ERBB2: variants seen among roughly 807,000 people sequenced by gnomAD.
The protein encoded by ERBB2 is receptor tyrosine-protein kinase erbB-2.
A neutral mutation model predicts 149.0 loss-of-function variants in ERBB2; 61 were observed. That is an observed-to-expected ratio of 0.41 (90% CI 0.33 to 0.51). The LOEUF (loss-of-function observed/expected upper bound fraction) is 0.51, where lower values mean the gene tolerates loss of function less well. Among genes scored for constraint, ERBB2 ranks in the 20% least tolerant of loss-of-function variants. The pLI, the probability that ERBB2 is intolerant of heterozygous loss-of-function variation, is 0.25. For missense variants in ERBB2, 1,205 were observed against 1,655.1 expected, an observed-to-expected ratio of 0.73 and a Z score of 4.72; for synonymous variants, 633 against 678.8, an observed-to-expected ratio of 0.93 and a Z score of 1.05.
intron 16 of ERBB2, 120 bp downstream of exon 16, chr17:39,719,954 C>T: frequency 1.1e-6 from 1 of 893,334 alleles, no homozygotes; most frequent in South Asian, 1.4e-5. Flanking sequence ...CACTCTTCCA[C>T]TGTGGAACCT....
intron 19 of ERBB2, among the ~76,000 whole-genome samples, chr17:39,724,288 T>TTTTTTTTTTTTTTTTTTTTTTTTC (rs1567912499): frequency 6.9e-6 from 1 of 144,104 alleles, no homozygotes; most frequent in African/African-American, 2.5e-5. Context: ...TTTTTTTTTT[T>TTTTTTTTTTTTTTTTTTTTTTTTC]GAGACAGAGT....
intron 16 of ERBB2, among the ~76,000 whole-genome samples, chr17:39,721,904 T>TTTTA (rs778586190): frequency 1.9e-4 from 29 of 152,194 alleles, no homozygotes; most frequent in Middle Eastern, 3.4e-3. Context: ...TCACTTTTAT[T>TTTTA]TTTATTTATT....
In ERBB2 at chr17:39,723,556, C is replaced by T. The variant is rs2145812376; in HGVS notation, c.2104C>T (p.Pro702Ser). 1.2e-6 allele frequency: 2 copies of T among 1,611,730 alleles called. No individual in the cohort carries two copies. Among genetic ancestry groups the T allele is most frequent in the Non-Finnish European group, 1.7e-6 (2 of 1,179,016 alleles). ...ACCCCAGCTGGTGGAGCCGCTGACA[C>T]CTAGCGGAGCGATGCCCAACCAGGC... ...QETELVEPLT[P>S]SGAMPNQAQM... The change falls in exon 18 of 27, where the codon CCT becomes TCT. Residue 702 changes from proline (P) to serine (S), a missense_variant. Pro to Ser is a moderately conservative substitution (Grantham distance 74). Transcript: ENST00000269571. This position sits in a 1 kb window ranked among gnomAD's most constrained non-coding sequence, Gnocchi z 6.2.
In ERBB2 at chr17:39,726,965, G is replaced by A. The variant is rs2143184536; in HGVS notation, c.3121G>A (p.Gly1041Ser). 1.2e-6 allele frequency: 2 copies of A among 1,610,650 alleles called. No individual in the cohort carries two copies. The highest frequency in any genetic ancestry group is 1.7e-5 in the Admixed American group (1 of 59,728). Residue 1041 changes from glycine to serine, a missense_variant, in exon 25 of 27, where the codon GGC becomes AGC. By Grantham distance (56) the Gly-to-Ser change is moderately conservative. Transcript: ENST00000269571. This position sits in a 1 kb window ranked among gnomAD's most constrained non-coding sequence, Gnocchi z 5.1. ...TCCAGACCCTGCCCCGGGCGCTGGG[G>A]GCATGGTCCACCACAGGCACCGCAG... ...FCPDPAPGAGGMVHHRHRSSS... is the reference protein window; with the variant it reads ...FCPDPAPGAGSMVHHRHRSSS...
At position 39,725,809 on chromosome 17, in the gene ERBB2, A is replaced by C. The variant is rs1262977426; in HGVS notation, c.2828A>C (p.Gln943Pro). ...CTGGAAAAGGGGGAGCGGCTGCCCC[A>C]GCCCCCCATCTGCACCATTGATGTC... ...DLLEKGERLPQPPICTIDVYM... is the reference protein window; with the variant it reads ...DLLEKGERLPPPPICTIDVYM... Residue 943 changes from glutamine (Q) to proline (P), a missense_variant, in exon 23 of 27, where the codon CAG becomes CCG. Coordinates refer to ENST00000269571, the MANE Select transcript of ERBB2 (RefSeq NM_004448.4). The surrounding 1 kb of genome is among the most constrained non-coding windows in gnomAD (Gnocchi z 4.6). 6.2e-7 allele frequency: 1 copy of C among 1,613,776 alleles called. No individual in the cohort carries two copies. Among genetic ancestry groups the C allele is most frequent in the East Asian group, 2.2e-5 (1 of 44,876 alleles).
rs1246185893 is a variant in ERBB2 at position 39,709,311 on chromosome 17, C to A, written c.440-7C>A. On this transcript the variant is annotated splice_polypyrimidine_tract_variant and splice_region_variant and intron_variant, in intron 3 of 26. Coordinates refer to ENST00000269571, the MANE Select transcript of ERBB2 (RefSeq NM_004448.4). ...AAAGGGTCCTCTGATCATTGCTCAC[C>A]CCACAGAGATCTTGAAAGGAGGGGT... is the stretch of plus-strand genomic sequence containing the variant. The A allele has an allele frequency of 6.2e-7, 1 of 1,614,062 alleles. No homozygotes were observed. Among genetic ancestry groups the A allele is most frequent in the Non-Finnish European group, 8.5e-7 (1 of 1,179,994 alleles).
Position 39,727,136 on chromosome 17 carries a change from T to TA in ERBB2, c.3159+134dup. 8.1e-7 allele frequency: 1 copy of TA among 1,229,474 alleles called. No individual in the cohort carries two copies. The highest frequency in any genetic ancestry group is 1.1e-6 in the Non-Finnish European group (1 of 878,434). The allele number at this position is 1,229,474 out of a possible 1,614,324, so 76.2% of individuals were successfully genotyped here. ...CCCCATTATCCCTACAAAAAATTCTTACTGCCTTCCAACCCCTGTGACCCC... is the reference window on the plus strand; with the variant it reads ...CCCCATTATCCCTACAAAAAATTCTTAACTGCCTTCCAACCCCTGTGACCCC... On this transcript the variant is annotated intron_variant, in intron 25 of 26. Transcript: ENST00000269571. The surrounding 1 kb of genome is among the most constrained non-coding windows in gnomAD (Gnocchi z 4.3).
chr17:39,698,494 C>T (rs1431507864), upstream of ERBB2, among the ~76,000 whole-genome samples: 5 of 151,998 alleles, frequency 3.3e-5, no homozygotes, highest in East Asian at 3.9e-4. Flanking sequence ...CTCCTGACCT[C>T]GTGATCTGCC....
At position 39,727,662 on chromosome 17, in the gene ERBB2, A is replaced by T. The variant is rs777674002; in HGVS notation, c.3413-27A>T. ...AGAGACACCGGGGTTCCTTCCCCTA[A>T]TGGGTCACCTTCTCTTGACCTTTCA... On this transcript the variant is annotated intron_variant, in intron 26 of 26. Transcript: ENST00000269571. This position sits in a 1 kb window ranked among gnomAD's most constrained non-coding sequence, Gnocchi z 4.3. 5 of 1,545,534 alleles carry T rather than the reference A, an allele frequency of 3.2e-6. No individual in the cohort carries two copies. The highest frequency in any genetic ancestry group is 4.4e-6 in the Non-Finnish European group (5 of 1,147,856).
chr17:39,726,644 C>T lies in ERBB2; in HGVS notation c.2955C>T (p.Arg985=), dbSNP rs2143140611. 1.2e-6 allele frequency: 2 copies of T among 1,614,214 alleles called. No homozygotes were observed. Among genetic ancestry groups the T allele is most frequent in the Non-Finnish European group, 1.7e-6 (2 of 1,180,014 alleles). Residue 985 remains arginine (R), a synonymous_variant, in exon 24 of 27, where the codon CGC becomes CGT. Transcript: ENST00000269571. This position sits in a 1 kb window ranked among gnomAD's most constrained non-coding sequence, Gnocchi z 5.1. ...CCCGCATGGCCAGGGACCCCCAGCG[C>T]TTTGTGGTCATCCAGGTACTGGGCC... ...EFSRMARDPQ[R]FVVIQNEDLG...
rs1486077301 is a variant in ERBB2 at position 39,700,213 on chromosome 17, A to G, written c.-26A>G. 9.1e-6 allele frequency: 13 copies of G among 1,429,646 alleles called. No homozygotes were observed. Among genetic ancestry groups the G allele is most frequent in the Non-Finnish European group, 1.2e-5 (13 of 1,096,026 alleles). 88.6% of individuals were successfully genotyped at this position (1,429,646 alleles called of 1,614,324 possible). On this transcript the variant is annotated 5_prime_UTR_variant, in exon 1 of 27. An upstream start codon of the reference 5' UTR is lost. Coordinates refer to ENST00000269571, the MANE Select transcript of ERBB2 (RefSeq NM_004448.4). ...CTCCCAGCCGGGTCCAGCCGGAGCC[A>G]TGGGGCCGGAGCCGCAGTGAGCACC...
chr17:39,714,763 ATTTCT>A (rs2059017970), intron 9 of ERBB2, among the ~76,000 whole-genome samples: 1 of 145,822 alleles, frequency 6.9e-6, no homozygotes, highest in African/African-American at 2.5e-5. Flanking sequence ...TAGAAATAAG[ATTTCT>A]TTTCTTTTTT....
At chr17:39,706,781 C>T in intron 1 of ERBB2, 1 of 422,570 alleles carries the variant, frequency 2.4e-6, no homozygotes, top group Non-Finnish European at 4.1e-6. Flanking sequence ...CAGAAGAAGC[C>T]TTTCCCCTGA....
upstream of ERBB2, among the ~76,000 whole-genome samples, chr17:39,694,314 T>TATAC (rs1399547497): frequency 1.9e-5 from 2 of 102,726 alleles, no homozygotes; most frequent in African/African-American, 7.1e-5. Context: ...TATATATATA[T>TATAC]ACACACACAC....
chr17:39,728,528 C>G lies in ERBB2; in HGVS notation c.*484C>G. On this transcript the variant is annotated 3_prime_UTR_variant, in exon 27 of 27. Transcript: ENST00000269571. ...AGAGTGCTTTTCTGTTTAGTTTTTA[C>G]TTTTTTTGTTTTGTTTTTTTAAAGA... The G allele has an allele frequency of 4.2e-6, 1 of 236,260 alleles. No individual in the cohort carries two copies. The highest frequency in any genetic ancestry group is 2.2e-5 in the African/African-American group (1 of 45,544). The allele number at this position is 236,260 out of a possible 1,614,324, so 14.6% of individuals were successfully genotyped here. A position where few individuals can be genotyped will look rare whatever the true frequency, so the allele number is the denominator to read the frequency against.
chr17:39,710,179 GC>G lies in ERBB2; in HGVS notation c.741del (p.Lys248SerfsTer49). The G allele has an allele frequency of 6.2e-7, 1 of 1,612,788 alleles. No homozygotes were observed. ...CHEQCAAGCT[G>X]PKHSDCLACL... ...GAGCAGTGTGCTGCCGGCTGCACGG[GC>G]CCCAAGCACTCTGACTGCCTGGTAT... On this transcript the variant is annotated frameshift_variant, in exon 6 of 27. Coordinates refer to ENST00000269571, the MANE Select transcript of ERBB2 (RefSeq NM_004448.4). LOFTEE classifies it high-confidence loss of function.
intron 15 of ERBB2, chr17:39,717,790 AACACAC>A (rs67643218): frequency 1.8e-4 from 31 of 172,008 alleles, no homozygotes; most frequent in South Asian, 3.1e-4. Flanking sequence ...TGCACATTTT[AACACAC>A]ACACACACAC....
Position 39,715,862 on chromosome 17 carries a change from C to CGGT in ERBB2, c.1438_1440dup (p.Val480dup). 6.2e-7 allele frequency: 1 copy of CGGT among 1,612,728 alleles called. No homozygotes were observed. The highest frequency in any genetic ancestry group is 8.5e-7 in the Non-Finnish European group (1 of 1,180,022). The stretch of plus-strand genomic sequence containing the variant: ...AACACCCACCTCTGCTTCGTGCACA[C>CGGT]GGTGCCCTGGGACCAGCTCTTTCGG... On this transcript the variant is annotated inframe_insertion, in exon 12 of 27. Coordinates refer to ENST00000269571, the MANE Select transcript of ERBB2 (RefSeq NM_004448.4).
rs761376658 is a variant in ERBB2 at position 39,712,014 on chromosome 17, C to T, written c.988C>T (p.Arg330Trp). ...QEVTAEDGTQ[R>W]CEKCSKPCAR... is the part of the protein sequence containing the mutation. ...GGTGACAGCAGAGGATGGAACACAGCGGTGTGAGAAGTGCAGCAAGCCCTG... is the reference window on the plus strand; with the variant it reads ...GGTGACAGCAGAGGATGGAACACAGTGGTGTGAGAAGTGCAGCAAGCCCTG... Residue 330 changes from arginine (R) to tryptophan (W), a missense_variant, in exon 8 of 27, where the codon CGG (arginine) becomes TGG (tryptophan). Transcript: ENST00000269571. 6 of 1,614,040 alleles carry T rather than the reference C, an allele frequency of 3.7e-6. No homozygotes were observed. The highest frequency in any genetic ancestry group is 1.1e-5 in the South Asian group (1 of 91,086).
Sources: gnomAD v4.1 joint callset for allele counts (sites outside exome capture counted in the v4.1 genomes callset) on GRCh38, gnomAD v4.1.1 for gene constraint, Gnocchi (gnomAD v3.1) non-coding constraint, MANE v1.5 for transcripts, NCBI Gene and HGNC (gene_info 2026-07-23, HGNC 2026-07-21) for gene names.